TSPEAR: variants seen among roughly 807,000 people sequenced by gnomAD.
TSPEAR encodes the protein thrombospondin type laminin G domain and EAR repeats.
In TSPEAR, 69 loss-of-function variants were observed where a neutral mutation model predicts 71.6. The observed-to-expected ratio is 0.96, with a 90% CI of 0.79 to 1.18. The LOEUF is 1.18. TSPEAR is among the 50% of genes most tolerant of loss of function. The probability of loss-of-function intolerance (pLI) is 0.00; values close to 1 mark genes in which losing one functional copy is unlikely to be tolerated. For synonymous variants in TSPEAR, 402 were observed against 387.2 expected, an observed-to-expected ratio of 1.04 and a Z score of -0.45; for missense variants, 971 against 894.9, an observed-to-expected ratio of 1.09 and a Z score of -1.09.
At chr21:44,614,750 C>CTA (rs1276367359) in intron 1 of TSPEAR, among the ~76,000 whole-genome samples, 15 of 152,236 alleles carry the variant, frequency 9.9e-5, no homozygotes, top group Admixed American at 6.5e-4. Flanking sequence ...AGTAACCTCT[C>CTA]TATGCCACAA....
At chr21:44,588,794 T>TAC (rs1555926030) in intron 1 of TSPEAR, among the ~76,000 whole-genome samples, 3 of 150,412 alleles carry the variant, frequency 2.0e-5, no homozygotes, top group African/African-American at 7.3e-5. Flanking sequence ...TGTGTATATA[T>TAC]ATATATGATG....
At chr21:44,567,710 G>T in intron 2 of TSPEAR, 75 bp downstream of exon 2, 1 of 1,307,544 alleles carries the variant, frequency 7.6e-7, no homozygotes, top group Non-Finnish European at 1.0e-6. Context: ...CTCAACCTGT[G>T]CACGCGTTGG....
In TSPEAR at chr21:44,688,365, C is replaced by T. The variant is rs1347294169; in HGVS notation, c.82+23068G>A. The stretch of plus-strand genomic sequence containing the variant: ...AGCCCACCATTCCCATCTCCACCTT[C>T]CCAAGACCACCACAGGGGAGGGCAA... On this transcript the variant is annotated intron_variant, in intron 1 of 11. Transcript: ENST00000323084. Among the ~76,000 whole-genome samples the T allele has an allele frequency of 2.0e-5, 3 of 152,154 alleles. No individual in the cohort carries two copies. In the East Asian group the frequency reaches 5.8e-4, roughly 29 times the overall value.
At chr21:44,512,927 G>A (rs910588479) in intron 9 of TSPEAR, among the ~76,000 whole-genome samples, 2 of 152,178 alleles carry the variant, frequency 1.3e-5, no homozygotes, top group South Asian at 4.1e-4. Context: ...GGGCGGCTCA[G>A]AGGCTGCTCA....
intron 1 of TSPEAR, among the ~76,000 whole-genome samples, chr21:44,619,021 G>A (rs1337044211): frequency 6.6e-6 from 1 of 152,150 alleles, no homozygotes; most frequent in African/African-American, 2.4e-5. Context: ...GAAAAGAGCT[G>A]AGAAGCTCTC....
At chr21:44,539,777 G>A in intron 2 of TSPEAR, 3 of 1,612,804 alleles carry the variant, frequency 1.9e-6, no homozygotes, top group Admixed American at 1.7e-5. Context: ...CTGGCAGCTA[G>A]ACTGCTGGCA....
intron 1 of TSPEAR, among the ~76,000 whole-genome samples, chr21:44,576,636 G>A (rs1978474036): frequency 6.6e-6 from 1 of 152,226 alleles, no homozygotes; most frequent in South Asian, 2.1e-4. Flanking sequence ...CTGTGGAAGA[G>A]TCTTCATTAA....
Position 44,567,845 on chromosome 21 carries a change from G to T in TSPEAR, c.243C>A (p.Asp81Glu). Residue 81 changes from aspartate (D) to glutamate (E), a missense_variant, in exon 2 of 12, where the codon GAC becomes GAA. Coordinates refer to ENST00000323084, the MANE Select transcript of TSPEAR (RefSeq NM_144991.3). ...FPASRIFSQC[D>E]LFPEEFSIVV... ...CGATGGAAAATTCTTCAGGGAAGAG[G>T]TCACACTGGGAGAAAATCCTGGATG... 6.2e-7 allele frequency: 1 copy of T among 1,609,332 alleles called. No homozygotes were observed. Among genetic ancestry groups the T allele is most frequent in the Non-Finnish European group, 8.5e-7 (1 of 1,177,258 alleles).
intron 2 of TSPEAR, among the ~76,000 whole-genome samples, chr21:44,541,497 G>A (rs1354032031): frequency 6.6e-6 from 1 of 152,220 alleles, no homozygotes; most frequent in African/African-American, 2.4e-5. Flanking sequence ...ACTTGAGTGA[G>A]TGAATCCGCA....
intron 1 of TSPEAR, chr21:44,654,688 AC>A: frequency 9.5e-7 from 1 of 1,049,084 alleles, no homozygotes; most frequent in Non-Finnish European, 1.4e-6. Context: ...TGGCCTTTAT[AC>A]CCAGGCTACC....
chr21:44,539,800 A>G (rs2053178264), intron 2 of TSPEAR: 14 of 1,601,120 alleles, frequency 8.7e-6, no homozygotes, highest in Non-Finnish European at 1.2e-5. Context: ...ATGAAGAGGA[A>G]TCCTTAGAGC....
intron 1 of TSPEAR, among the ~76,000 whole-genome samples, chr21:44,705,750 G>T (rs937819585): frequency 6.6e-6 from 1 of 152,204 alleles, no homozygotes; most frequent in Non-Finnish European, 1.5e-5. Context: ...AATGGTGCCC[G>T]AAACTTCATT....
At chr21:44,661,303 A>G (rs1300288237) in intron 1 of TSPEAR, among the ~76,000 whole-genome samples, 4 of 144,642 alleles carry the variant, frequency 2.8e-5, no homozygotes, top group Non-Finnish European at 6.1e-5. Context: ...AAAAAAAAAA[A>G]GCATTATAAC....
intron 1 of TSPEAR, among the ~76,000 whole-genome samples, chr21:44,657,341 G>A (rs191455815): frequency 6.6e-6 from 1 of 152,140 alleles, no homozygotes; most frequent in African/African-American, 2.4e-5. Context: ...TTACTCTATG[G>A]CAGGGTTGGC....
Position 44,687,506 on chromosome 21 carries a change from G to A in TSPEAR, c.82+23927C>T, listed in dbSNP as rs529160759. On this transcript the variant is annotated intron_variant, in intron 1 of 11. Transcript: ENST00000323084. This position sits in a 1 kb window ranked among gnomAD's most constrained non-coding sequence, Gnocchi z 4.4. The stretch of plus-strand genomic sequence containing the variant: ...AACAGGAACGCATCGCAGAAACACC[G>A]CGCGGGGTGGGAGAGGCCGGCACCA... Among the ~76,000 whole-genome samples the A allele has an allele frequency of 5.0e-4, 76 of 152,316 alleles. No homozygotes were observed. Among genetic ancestry groups the A allele is most frequent in the Non-Finnish European group, 9.4e-4 (64 of 68,016 alleles).
intron 2 of TSPEAR, among the ~76,000 whole-genome samples, chr21:44,542,608 CT>C (rs1391897929): frequency 6.6e-6 from 1 of 151,700 alleles, no homozygotes; most frequent in Non-Finnish European, 1.5e-5. Flanking sequence ...AGTTGGCCCA[CT>C]TTGGTGGTAC....
intron 1 of TSPEAR, among the ~76,000 whole-genome samples, chr21:44,654,978 C>T (rs1426483573): frequency 2.0e-5 from 3 of 152,142 alleles, no homozygotes; most frequent in Non-Finnish European, 4.4e-5. Context: ...CACAGTCACA[C>T]TCACTACACC....
At chr21:44,624,771 G>T (rs187091187) in intron 1 of TSPEAR, among the ~76,000 whole-genome samples, 3 of 152,252 alleles carry the variant, frequency 2.0e-5, no homozygotes, top group East Asian at 3.9e-4. Flanking sequence ...TAAAAGCTGT[G>T]CTCAGCCTCA....
intron 2 of TSPEAR, among the ~76,000 whole-genome samples, chr21:44,540,967 T>C (rs2053210979): frequency 6.6e-6 from 1 of 152,152 alleles, no homozygotes; most frequent in African/African-American, 2.4e-5. Flanking sequence ...GTTATCAATA[T>C]TCTTAAATTT....
Sources: gnomAD v4.1 joint callset for allele counts (sites outside exome capture counted in the v4.1 genomes callset) on GRCh38, gnomAD v4.1.1 for gene constraint, Gnocchi (gnomAD v3.1) non-coding constraint, MANE v1.5 for transcripts, NCBI Gene and HGNC (gene_info 2026-07-23, HGNC 2026-07-21) for gene names.